The following IMPA1 variants were observed in gnomAD, a reference collection of about 807,000 sequenced individuals.
IMPA1 encodes D-galactose 1-phosphate phosphatase.
Under a neutral mutation model 34.9 loss-of-function variants are expected in IMPA1, and 21 were observed. That is an observed-to-expected ratio of 0.60 (90% CI 0.43 to 0.87). The LOEUF (loss-of-function observed/expected upper bound fraction) is 0.87, where lower values mean the gene tolerates loss of function less well. IMPA1 is among the 40% of genes least tolerant of loss of function. The probability of loss-of-function intolerance (pLI) is 0.00; values close to 1 mark genes in which losing one functional copy is unlikely to be tolerated. For synonymous variants in IMPA1, 95 were observed against 104.4 expected (o/e 0.91, Z 0.55); for missense variants, 299 against 336.4 (o/e 0.89, Z 0.87).
In IMPA1 at chr8:81,680,818, C is replaced by T. The variant is rs367692597; in HGVS notation, c.64-35G>A. Reference sequence around the variant, plus strand: ...GGTTTTGGTAAGCAAATAGAAAAGGCATAATTTTAAACAAAAAGATAAAAT... The same window carrying T: ...GGTTTTGGTAAGCAAATAGAAAAGGTATAATTTTAAACAAAAAGATAAAAT... On this transcript the variant is annotated intron_variant, in intron 2 of 8. Coordinates refer to ENST00000256108, the MANE Select transcript of IMPA1 (RefSeq NM_005536.4). 5.4e-6 allele frequency: 8 copies of T among 1,484,894 alleles called. No homozygotes were observed. In the African/African-American group the frequency reaches 5.6e-5, roughly 10 times the overall value. The allele number at this position is 1,484,894 out of a possible 1,614,324, so 92.0% of individuals were successfully genotyped here.
intron 7 of IMPA1, 111 bp downstream of exon 7, chr8:81,670,828 T>C: frequency 1.8e-6 from 1 of 559,664 alleles, no homozygotes. Flanking sequence ...CCCTATTCTT[T>C]AGAAACCATG....
intron 2 of IMPA1, 124 bp downstream of exon 2, chr8:81,681,374 G>T: frequency 1.6e-6 from 1 of 638,332 alleles, no homozygotes; most frequent in Non-Finnish European, 2.8e-6. Context: ...ATTCCAGCTT[G>T]GGTGACAAGC....
intron 5 of IMPA1, chr8:81,674,562 T>C (rs1807077802): frequency 3.3e-6 from 1 of 301,940 alleles, no homozygotes; most frequent in African/African-American, 2.2e-5. Context: ...GCTCAAGACT[T>C]ATTCAATACT....
chr8:81,682,318 A>C (rs1807324921), intron 1 of IMPA1, among the ~76,000 whole-genome samples: 1 of 152,214 alleles, frequency 6.6e-6, no homozygotes, highest in Non-Finnish European at 1.5e-5. Flanking sequence ...TACCTAGCAC[A>C]GTAAAGCTTT....
At chr8:81,664,923 G>T (rs1296586878) in intron 7 of IMPA1, among the ~76,000 whole-genome samples, 1 of 150,090 alleles carries the variant, frequency 6.7e-6, no homozygotes, top group Non-Finnish European at 1.5e-5. Context: ...GAAAACTTAA[G>T]GACCCTGCAG....
chr8:81,659,149 G>T lies in IMPA1; in HGVS notation c.*202C>A. The T allele has an allele frequency of 1.8e-6, 1 of 567,586 alleles. No homozygotes were observed. Among genetic ancestry groups the T allele is most frequent in the Non-Finnish European group, 3.1e-6 (1 of 322,080 alleles). 35.2% of individuals were successfully genotyped at this position (567,586 alleles called of 1,614,324 possible). On this transcript the variant is annotated 3_prime_UTR_variant, in exon 9 of 9. Transcript: ENST00000256108. ...TGTTTCCTAAAGTACATTCTTACAT[G>T]CAAAATTTTTTAAATCAGTGAAACA... is the stretch of plus-strand genomic sequence containing the variant.
At chr8:81,674,860 T>C (rs1807086518) in intron 5 of IMPA1, 1 of 455,706 alleles carries the variant, frequency 2.2e-6, no homozygotes, top group African/African-American at 2.0e-5. Context: ...AAAGACAAAA[T>C]CATTCATTGC....
At position 81,667,045 on chromosome 8, in the gene IMPA1, T is replaced by C. The variant is rs190700616; in HGVS notation, c.566+3894A>G. 2.5e-4 allele frequency among the ~76,000 whole-genome samples: 38 copies of C among 151,334 alleles called. No individual in the cohort carries two copies. In the East Asian group the frequency reaches 5.8e-3, roughly 23 times the overall value. On this transcript the variant is annotated intron_variant, in intron 7 of 8. Coordinates refer to ENST00000256108, the MANE Select transcript of IMPA1 (RefSeq NM_005536.4). ...CACAGCTTCCACCTACATAAAAGAG[T>C]TGCAAGGAGAAATACAGAGAAACAC...
intron 7 of IMPA1, among the ~76,000 whole-genome samples, chr8:81,670,358 CAAAAAGGAAA>C (rs1353066478): frequency 6.8e-6 from 1 of 147,478 alleles, no homozygotes; most frequent in Admixed American, 6.7e-5. Context: ...ATTTTCTAAT[CAAAAAGGAAA>C]AAAAAGGAAA....
At chr8:81,672,157 T>C (rs186158750) in intron 6 of IMPA1, among the ~76,000 whole-genome samples, 2 of 152,212 alleles carry the variant, frequency 1.3e-5, no homozygotes, top group Admixed American at 6.5e-5. Flanking sequence ...TCTAGAAAGA[T>C]TCTAAACTCA....
chr8:81,677,245 G>A (rs935481333), intron 4 of IMPA1, among the ~76,000 whole-genome samples: 3 of 152,038 alleles, frequency 2.0e-5, no homozygotes, highest in African/African-American at 4.8e-5. Context: ...ACAAGCATGT[G>A]CCACCATACC....
intron 7 of IMPA1, among the ~76,000 whole-genome samples, chr8:81,664,417 G>A (rs924517282): frequency 1.3e-5 from 2 of 152,184 alleles, no homozygotes; most frequent in Admixed American, 1.3e-4. Context: ...TAGATACACA[G>A]AGTAGGGCAG....
chr8:81,660,443 G>C, intron 8 of IMPA1, 73 bp downstream of exon 8: 1 of 1,432,620 alleles, frequency 7.0e-7, no homozygotes, highest in Non-Finnish European at 9.7e-7. Context: ...ATATCAAAAA[G>C]TTTTTTAAAT....
At chr8:81,667,928 A>T (rs1806879931) in intron 7 of IMPA1, among the ~76,000 whole-genome samples, 1 of 150,284 alleles carries the variant, frequency 6.7e-6, no homozygotes, top group African/African-American at 2.5e-5. Flanking sequence ...GTTTCACGCC[A>T]TTCTCCTGCC....
Position 81,659,919 on chromosome 8 carries a change from C to T in IMPA1, c.719-453G>A, listed in dbSNP as rs552799965. 1.3e-4 allele frequency among the ~76,000 whole-genome samples: 20 copies of T among 152,250 alleles called. No homozygotes were observed. The South Asian group carries it at 3.9e-3, about 30-fold the overall frequency. ...AATTATTTAACTTCTCTAGTCTCAA[C>T]ACAGAAAGTGATGGTGGAGGAAGTC... On this transcript the variant is annotated intron_variant, in intron 8 of 8. Transcript: ENST00000256108.
intron 1 of IMPA1, among the ~76,000 whole-genome samples, chr8:81,684,582 CAT>C (rs1807429093): frequency 1.4e-5 from 2 of 139,290 alleles, no homozygotes; most frequent in Non-Finnish European, 3.1e-5. Flanking sequence ...ATATACTACA[CAT>C]AAGTATCTTT....
At chr8:81,680,852 G>A in intron 2 of IMPA1, 69 bp from the exon 3 acceptor site, 3 of 1,139,638 alleles carry the variant, frequency 2.6e-6, no homozygotes, top group Non-Finnish European at 3.8e-6. Context: ...ATACATAAAT[G>A]GTTTAAGACA....
At chr8:81,675,252 C>A (rs1192230385) in intron 5 of IMPA1, among the ~76,000 whole-genome samples, 10 of 151,230 alleles carry the variant, frequency 6.6e-5, no homozygotes, top group Non-Finnish European at 1.3e-4. Flanking sequence ...CCCACCACCC[C>A]CCCACCCCCG....
chr8:81,675,410 T>C (rs545840632), intron 5 of IMPA1, among the ~76,000 whole-genome samples: 55 of 152,244 alleles, frequency 3.6e-4, no homozygotes, highest in African/African-American at 1.3e-3. Flanking sequence ...TTCTACCACA[T>C]ATCATCTTTA....
Sources: allele counts gnomAD v4.1 joint callset (sites outside exome capture counted in the v4.1 genomes callset), GRCh38; gene constraint gnomAD v4.1.1; transcripts MANE v1.5; gene names NCBI Gene and HGNC (gene_info 2026-07-23, HGNC 2026-07-21).